SORL1: variants seen among roughly 807,000 people sequenced by gnomAD.
SORL1 encodes the protein sortilin-related receptor.
In SORL1, 127 loss-of-function variants were observed where a neutral mutation model predicts 273.7. The observed-to-expected ratio is 0.46, with a 90% confidence interval of 0.40 to 0.54. SORL1 has a LOEUF of 0.54. SORL1 is among the 20% of genes least tolerant of loss of function. The probability of loss-of-function intolerance (pLI) is 0.00; values close to 1 mark genes in which losing one functional copy is unlikely to be tolerated. For synonymous variants in SORL1, 1,031 were observed against 1,067.4 expected (o/e 0.97, Z 0.66); for missense variants, 2,494 against 2,846.1 (o/e 0.88, Z 2.81).
chr11:121,472,875 G>A (rs529661919), intron 2 of SORL1, among the ~76,000 whole-genome samples: 157 of 151,942 alleles, frequency 1.0e-3, no homozygotes, highest in African/African-American at 3.5e-3. Flanking sequence ...CAAGAGAATC[G>A]CTTGAACCCG....
At position 121,545,326 on chromosome 11, in the gene SORL1, G is replaced by A. The variant is rs1192839182; in HGVS notation, c.1948G>A (p.Val650Ile). The A allele has an allele frequency of 6.2e-7, 1 of 1,614,172 alleles. No individual in the cohort carries two copies. The highest frequency in any genetic ancestry group is 1.1e-5 in the South Asian group (1 of 91,082). The change falls in exon 14 of 48, where the codon GTT becomes ATT. Residue 650 changes from valine to isoleucine, a missense_variant. Transcript: ENST00000260197. ...TGAGTGTTTGCTGGGACACAAGACT[G>A]TTTTCAAACGGCGGACCCCCCATGC... Reference protein sequence around the residue: ...GNECLLGHKTVFKRRTPHATC... With the variant: ...GNECLLGHKTIFKRRTPHATC...
At chr11:121,528,474 C>T (rs558161228) in intron 11 of SORL1, among the ~76,000 whole-genome samples, 1 of 152,098 alleles carries the variant, frequency 6.6e-6, no homozygotes, top group East Asian at 1.9e-4. Flanking sequence ...AATAAAAAAA[C>T]AGATAAAATT....
chr11:121,633,390 C>T lies in SORL1; in HGVS notation c.*3827C>T, dbSNP rs561835255. 2.0e-5 allele frequency: 3 copies of T among 152,306 alleles called. No individual in the cohort carries two copies. In the South Asian group the frequency reaches 6.2e-4, roughly 32 times the overall value. 9.4% of individuals were successfully genotyped at this position (152,306 alleles called of 1,614,324 possible). ...ACCATTATCCTCAAATATTCTATGT[C>T]ACTTCTCATTTAAAGACTCTTGTTA... is the stretch of plus-strand genomic sequence containing the variant. On this transcript the variant is annotated 3_prime_UTR_variant, in exon 48 of 48. Coordinates refer to ENST00000260197, the MANE Select transcript of SORL1 (RefSeq NM_003105.6).
intron 6 of SORL1, among the ~76,000 whole-genome samples, chr11:121,505,364 A>T (rs1306471205): frequency 6.6e-6 from 1 of 151,728 alleles, no homozygotes; most frequent in African/African-American, 2.4e-5. Context: ...CTTGTAGTCT[A>T]GTTTATTAAA....
chr11:121,623,605 G>GAT (rs1863754029), intron 45 of SORL1, among the ~76,000 whole-genome samples: 1 of 152,212 alleles, frequency 6.6e-6, no homozygotes, highest in Non-Finnish European at 1.5e-5. Flanking sequence ...ATCGACACCA[G>GAT]ATATCTATTA....
At chr11:121,561,255 T>C (rs968033928) in intron 21 of SORL1, among the ~76,000 whole-genome samples, 2 of 152,202 alleles carry the variant, frequency 1.3e-5, no homozygotes, top group African/African-American at 4.8e-5. Flanking sequence ...CGGTCACAAC[T>C]TACTTCCCAG....
At chr11:121,487,165 T>G (rs1764044150) in intron 3 of SORL1, among the ~76,000 whole-genome samples, 1 of 152,208 alleles carries the variant, frequency 6.6e-6, no homozygotes, top group South Asian at 2.1e-4. Flanking sequence ...TCATTCAGCC[T>G]CACTTTCTCT....
chr11:121,601,784 T>G (rs1244751048), intron 32 of SORL1, among the ~76,000 whole-genome samples: 1 of 152,112 alleles, frequency 6.6e-6, no homozygotes, highest in East Asian at 1.9e-4. Context: ...TAAAGAAACC[T>G]CCAACGTCCT....
chr11:121,521,090 G>A (rs996537779), intron 9 of SORL1, among the ~76,000 whole-genome samples: 8 of 150,048 alleles, frequency 5.3e-5, no homozygotes, highest in Admixed American at 4.0e-4. Context: ...AGTAGTATTC[G>A]TTTTTAGTAC....
intron 2 of SORL1, among the ~76,000 whole-genome samples, chr11:121,471,884 G>A (rs1053827765): frequency 6.6e-6 from 1 of 152,172 alleles, no homozygotes; most frequent in Non-Finnish European, 1.5e-5. Context: ...GTAGTGCTCT[G>A]GGGCAGGGCT....
At chr11:121,478,032 C>CACAA in intron 2 of SORL1, 86 bp from the exon 3 acceptor site, 1 of 1,046,570 alleles carries the variant, frequency 9.6e-7, no homozygotes, top group South Asian at 1.7e-5. Context: ...AACTCAGTCT[C>CACAA]AAAAAAAAAA....
At position 121,616,670 on chromosome 11, in the gene SORL1, C is replaced by A. The variant is rs562164238; in HGVS notation, c.5604+1615C>A. 1.2e-4 allele frequency among the ~76,000 whole-genome samples: 18 copies of A among 152,384 alleles called. No individual in the cohort carries two copies. The South Asian group carries it at 3.3e-3, about 28-fold the overall frequency. On this transcript the variant is annotated intron_variant, in intron 41 of 47. Coordinates refer to ENST00000260197, the MANE Select transcript of SORL1 (RefSeq NM_003105.6). ...TTCCTACATCCTCCCAGGCGATCAC[C>A]CCCTTCGGGGCTTCCCTTCCTGTTT...
chr11:121,560,214 C>T (rs1301194515), intron 21 of SORL1, among the ~76,000 whole-genome samples: 1 of 152,200 alleles, frequency 6.6e-6, no homozygotes, highest in Non-Finnish European at 1.5e-5. Flanking sequence ...GATAGTTTTA[C>T]CAGTGTCTAG....
intron 6 of SORL1, among the ~76,000 whole-genome samples, chr11:121,497,306 C>T (rs1192875743): frequency 6.6e-6 from 1 of 152,138 alleles, no homozygotes; most frequent in African/African-American, 2.4e-5. Context: ...TTGGTTGTTT[C>T]CTGGTAGCCA....
Position 121,550,130 on chromosome 11 carries a change from C to A in SORL1, c.2180+42C>A. ...TTGCCCTGTCAGGTTCTCAGCGGTC[C>A]GCACATGGAGCGAGAGAGCATAGAG... On this transcript the variant is annotated intron_variant, in intron 15 of 47. Coordinates refer to ENST00000260197, the MANE Select transcript of SORL1 (RefSeq NM_003105.6). The surrounding 1 kb of genome is among the most constrained non-coding windows in gnomAD (Gnocchi z 5.3). The A allele has an allele frequency of 6.3e-7, 1 of 1,596,588 alleles. No homozygotes were observed. The highest frequency in any genetic ancestry group is 1.7e-5 in the Admixed American group (1 of 57,718).
chr11:121,497,105 G>T lies in SORL1; in HGVS notation c.939+56G>T. 6 of 1,495,806 alleles carry T rather than the reference G, an allele frequency of 4.0e-6. No homozygotes were observed. In the South Asian group the frequency reaches 5.9e-5, roughly 15 times the overall value. The allele number at this position is 1,495,806 out of a possible 1,614,324, so 92.7% of individuals were successfully genotyped here. ...TTTTGAGTTTCCTTTGTGAAGTTTGGCATTCTGTGATTAAACAGGTGAGTT... is the reference window on the plus strand; with the variant it reads ...TTTTGAGTTTCCTTTGTGAAGTTTGTCATTCTGTGATTAAACAGGTGAGTT... On this transcript the variant is annotated intron_variant, in intron 6 of 47. Transcript: ENST00000260197.
chr11:121,527,302 T>C (rs957891639), intron 11 of SORL1, among the ~76,000 whole-genome samples: 2 of 152,142 alleles, frequency 1.3e-5, no homozygotes, highest in African/African-American at 4.8e-5. Context: ...ATTACATTAA[T>C]TAATTCTTGA....
intron 1 of SORL1, among the ~76,000 whole-genome samples, chr11:121,458,821 T>C (rs1860947405): frequency 6.6e-6 from 1 of 152,238 alleles, no homozygotes; most frequent in Admixed American, 6.5e-5. Context: ...AGTTTCCTCC[T>C]GTGTTATTGT....
intron 12 of SORL1, among the ~76,000 whole-genome samples, chr11:121,532,810 T>G (rs1258613992): frequency 6.6e-6 from 1 of 151,858 alleles, no homozygotes; most frequent in Non-Finnish European, 1.5e-5. Context: ...CTCAGCCTCC[T>G]GAGTCTGGGA....
Sources: allele counts gnomAD v4.1 joint callset (sites outside exome capture counted in the v4.1 genomes callset), GRCh38; gene constraint gnomAD v4.1.1; non-coding constraint Gnocchi (gnomAD v3.1); transcripts MANE v1.5; gene names NCBI Gene and HGNC (gene_info 2026-07-23, HGNC 2026-07-21).